Variants in C1orf21 observed in about 807,000 individuals in gnomAD.
C1orf21 encodes uncharacterized protein C1orf21.
A neutral mutation model predicts 18.7 loss-of-function variants in C1orf21; 3 were observed. The observed-to-expected ratio is 0.16, with a 90% CI of 0.07 to 0.42. The LOEUF (loss-of-function observed/expected upper bound fraction) is 0.42. Ranked by LOEUF, C1orf21 falls within the 10% of genes least tolerant of loss-of-function variation. C1orf21 has a pLI of 0.99. For missense variants in C1orf21, 104 were observed against 143.6 expected (o/e 0.72, Z 1.41); for synonymous variants, 41 against 46.4 (o/e 0.88, Z 0.47).
At position 184,628,252 on chromosome 1, in the gene C1orf21, A is replaced by G. The variant is rs1409950545; in HGVS notation, c.*8696A>G. ...TGTCAGCAAAAACTTCGTGAGATGC[A>G]CTCTCTCTGTGTGTTTATTAATTTA... On this transcript the variant is annotated 3_prime_UTR_variant, in exon 6 of 6. Transcript: ENST00000235307. The G allele has an allele frequency of 6.6e-6, 1 of 151,928 alleles. No homozygotes were observed. The highest frequency in any genetic ancestry group is 1.5e-5 in the Non-Finnish European group (1 of 67,988). The allele number at this position is 151,928 out of a possible 1,614,324, so 9.4% of individuals were successfully genotyped here.
At chr1:184,512,042 A>G (rs1658157138) in intron 3 of C1orf21, among the ~76,000 whole-genome samples, 1 of 152,224 alleles carries the variant, frequency 6.6e-6, no homozygotes, top group Non-Finnish European at 1.5e-5. Flanking sequence ...AAGGAAAAGA[A>G]GAGACAATGG....
At chr1:184,571,635 C>T (rs1429904636) in intron 3 of C1orf21, among the ~76,000 whole-genome samples, 2 of 152,128 alleles carry the variant, frequency 1.3e-5, no homozygotes, top group Admixed American at 6.5e-5. Flanking sequence ...GGGGCAGCTG[C>T]TGTTTATCAT....
At chr1:184,556,126 A>C (rs1658875728) in intron 3 of C1orf21, among the ~76,000 whole-genome samples, 2 of 152,100 alleles carry the variant, frequency 1.3e-5, no homozygotes, top group African/African-American at 2.4e-5. Flanking sequence ...AGGCATCCAC[A>C]GTGTTCACCA....
intron 1 of C1orf21, among the ~76,000 whole-genome samples, chr1:184,444,545 C>G (rs1224612294): frequency 1.3e-5 from 2 of 152,144 alleles, no homozygotes; most frequent in East Asian, 3.9e-4. Flanking sequence ...AATTAAACCT[C>G]TTTTTCTTCC....
rs368639733 is a variant in C1orf21 at position 184,522,766 on chromosome 1, C to T, written c.189+15084C>T. 6.6e-5 allele frequency among the ~76,000 whole-genome samples: 10 copies of T among 152,188 alleles called. No individual in the cohort carries two copies. The East Asian group carries it at 1.9e-3, about 29-fold the overall frequency. ...GCAGTGGCGCAATTTTGGCTCACTG[C>T]AGCCTTGAACTCCCAGGCTTGGGCA... On this transcript the variant is annotated intron_variant, in intron 3 of 5. Transcript: ENST00000235307.
intron 3 of C1orf21, among the ~76,000 whole-genome samples, chr1:184,529,014 G>A (rs868217431): frequency 6.6e-6 from 1 of 152,062 alleles, no homozygotes; most frequent in Admixed American, 6.6e-5. Context: ...AGCAGTATAT[G>A]GAGATTGCCA....
intron 1 of C1orf21, among the ~76,000 whole-genome samples, chr1:184,422,473 G>T (rs1468114009): frequency 6.6e-6 from 1 of 152,162 alleles, no homozygotes; most frequent in Non-Finnish European, 1.5e-5. Flanking sequence ...CATTTTACAG[G>T]TGGAGAACTG....
chr1:184,414,626 T>C (rs1351997789), intron 1 of C1orf21, among the ~76,000 whole-genome samples: 2 of 152,204 alleles, frequency 1.3e-5, no homozygotes, highest in African/African-American at 2.4e-5. Flanking sequence ...TGACACTGTA[T>C]TAGAAAGACA....
intron 4 of C1orf21, among the ~76,000 whole-genome samples, chr1:184,595,533 A>G (rs1413847401): frequency 6.6e-6 from 1 of 152,160 alleles, no homozygotes; most frequent in Non-Finnish European, 1.5e-5. Flanking sequence ...GAATCAGTTG[A>G]TATGGGGAAA....
At chr1:184,420,887 G>A (rs1374188181) in intron 1 of C1orf21, among the ~76,000 whole-genome samples, 1 of 151,944 alleles carries the variant, frequency 6.6e-6, no homozygotes, top group East Asian at 1.9e-4. Context: ...ATTATTTGAG[G>A]GAGGGATGAT....
chr1:184,431,014 T>C (rs1483670747), intron 1 of C1orf21, among the ~76,000 whole-genome samples: 1 of 152,216 alleles, frequency 6.6e-6, no homozygotes, highest in Admixed American at 6.5e-5. Context: ...CCCTTGTAAG[T>C]AGTATCCATA....
intron 1 of C1orf21, among the ~76,000 whole-genome samples, chr1:184,413,436 G>GTCA (rs1171178415): frequency 1.3e-5 from 2 of 152,182 alleles, no homozygotes; most frequent in Admixed American, 1.3e-4. Flanking sequence ...AAGCGTAGAT[G>GTCA]TCATGTATTA....
chr1:184,498,496 C>T (rs1022333548), intron 2 of C1orf21, among the ~76,000 whole-genome samples: 1 of 152,082 alleles, frequency 6.6e-6, no homozygotes, highest in Admixed American at 6.5e-5. Flanking sequence ...ATCCTAACAG[C>T]CATCCTGTAA....
At chr1:184,561,549 C>T (rs550463400) in intron 3 of C1orf21, among the ~76,000 whole-genome samples, 2 of 152,266 alleles carry the variant, frequency 1.3e-5, no homozygotes, top group East Asian at 3.9e-4. Flanking sequence ...TTTTAAGTTG[C>T]TCCCTGAAAA....
chr1:184,563,586 G>C (rs1353731658), intron 3 of C1orf21, among the ~76,000 whole-genome samples: 1 of 152,112 alleles, frequency 6.6e-6, no homozygotes, highest in Non-Finnish European at 1.5e-5. Flanking sequence ...TAGTTACATG[G>C]GCACCTTCTT....
chr1:184,591,317 C>T lies in C1orf21; in HGVS notation c.266+502C>T, dbSNP rs7339899. On this transcript the variant is annotated intron_variant, in intron 4 of 5. Coordinates refer to ENST00000235307, the MANE Select transcript of C1orf21 (RefSeq NM_030806.4). ...ACAGAACAGAATAATGAAAACAGAC[C>T]TACAATACATGACAAAGCTGACTTT... 3.9e-5 allele frequency among the ~76,000 whole-genome samples: 6 copies of T among 151,940 alleles called. No individual in the cohort carries two copies. In the East Asian group the frequency reaches 7.7e-4, roughly 20 times the overall value.
chr1:184,443,190 C>T (rs546851528), intron 1 of C1orf21, among the ~76,000 whole-genome samples: 1 of 152,272 alleles, frequency 6.6e-6, no homozygotes, highest in Non-Finnish European at 1.5e-5. Context: ...CTTAGCATTT[C>T]TACTCCTTGC....
At chr1:184,539,178 A>G (rs1658606793) in intron 3 of C1orf21, among the ~76,000 whole-genome samples, 1 of 152,068 alleles carries the variant, frequency 6.6e-6, no homozygotes, top group Admixed American at 6.5e-5. Context: ...TCCTTCTACT[A>G]CTAGTTTGTT....
At chr1:184,477,693 G>A (rs1571376922) in intron 2 of C1orf21, 90 bp downstream of exon 2, 1 of 1,032,502 alleles carries the variant, frequency 9.7e-7, no homozygotes, top group African/African-American at 1.6e-5. Flanking sequence ...ATATTTATGG[G>A]GTGCTTGTGA....
Sources: gnomAD v4.1 joint callset for allele counts (sites outside exome capture counted in the v4.1 genomes callset) on GRCh38, gnomAD v4.1.1 for gene constraint, MANE v1.5 for transcripts, NCBI Gene and HGNC (gene_info 2026-07-23, HGNC 2026-07-21) for gene names.